The following CA10 variants were observed in gnomAD, a reference collection of about 807,000 sequenced individuals.
The protein encoded by CA10 is carbonic anhydrase 10 (inactive), also known as carbonic anhydrase-related protein 10.
A neutral mutation model predicts 44.2 loss-of-function variants in CA10; 14 were observed. The ratio of observed to expected loss-of-function variants is 0.32; its 90% CI spans 0.21 to 0.50. CA10 has a LOEUF of 0.50. Ranked by LOEUF, CA10 falls within the 20% of genes least tolerant of loss-of-function variation. CA10 has a pLI of 0.99. For missense variants in CA10, 350 were observed against 409.7 expected, an observed-to-expected ratio of 0.85 and a Z score of 1.26; for synonymous variants, 159 against 141.6, an observed-to-expected ratio of 1.12 and a Z score of -0.87.
intron 3 of CA10, among the ~76,000 whole-genome samples, chr17:51,854,286 A>G (rs1978937907): frequency 6.6e-6 from 1 of 152,128 alleles, no homozygotes; most frequent in African/African-American, 2.4e-5. Flanking sequence ...CCTGCTGGAC[A>G]TTGTTAATGT....
intron 2 of CA10, among the ~76,000 whole-genome samples, chr17:52,033,556 A>T (rs1051833371): frequency 3.9e-5 from 6 of 152,218 alleles, no homozygotes; most frequent in African/African-American, 1.4e-4. Flanking sequence ...AATCCATTTA[A>T]TAGGGTACTA....
chr17:51,961,136 C>G (rs571112914), intron 2 of CA10, among the ~76,000 whole-genome samples: 1 of 151,532 alleles, frequency 6.6e-6, no homozygotes, highest in Non-Finnish European at 1.5e-5. Flanking sequence ...CCAGAACCCA[C>G]GATTGCATTA....
chr17:51,916,860 C>T (rs988430244), intron 3 of CA10, among the ~76,000 whole-genome samples: 9 of 152,142 alleles, frequency 5.9e-5, no homozygotes, highest in African/African-American at 1.2e-4. Context: ...CAGGCAGTTC[C>T]GTTGGAATCA....
At chr17:51,839,500 C>CAAAAAAA (rs34200978) in intron 3 of CA10, among the ~76,000 whole-genome samples, 4 of 36,288 alleles carry the variant, frequency 1.1e-4, no homozygotes, top group East Asian at 1.1e-3. Flanking sequence ...GACTCCTTCT[C>CAAAAAAA]AAAAAAAAAA....
At chr17:51,922,810 T>C (rs1982286103) in intron 3 of CA10, among the ~76,000 whole-genome samples, 2 of 152,166 alleles carry the variant, frequency 1.3e-5, no homozygotes, top group Non-Finnish European at 2.9e-5. Context: ...TGACAATGCC[T>C]AGCTTTTTTT....
intron 1 of CA10, among the ~76,000 whole-genome samples, chr17:52,082,994 A>C (rs1449459874): frequency 6.6e-6 from 1 of 152,206 alleles, no homozygotes; most frequent in Non-Finnish European, 1.5e-5. Flanking sequence ...TTCAGATCCC[A>C]AGAGTACAAG....
At chr17:51,885,923 T>C (rs994431139) in intron 3 of CA10, among the ~76,000 whole-genome samples, 1 of 152,244 alleles carries the variant, frequency 6.6e-6, no homozygotes, top group African/African-American at 2.4e-5. Flanking sequence ...ATGTACTACA[T>C]AGTTAGCCAA....
At chr17:51,921,717 T>G (rs1191961626) in intron 3 of CA10, among the ~76,000 whole-genome samples, 1 of 152,168 alleles carries the variant, frequency 6.6e-6, no homozygotes, top group Non-Finnish European at 1.5e-5. Flanking sequence ...TTAGACTGAA[T>G]TCATCTCTTG....
rs572250675 is a variant in CA10 at position 51,780,976 on chromosome 17, G to A, written c.280-33158C>T. Among the ~76,000 whole-genome samples, 32 of 152,272 alleles carry A rather than the reference G, an allele frequency of 2.1e-4. 1 individual carries two copies. In the Middle Eastern group the frequency reaches 0.02, roughly 97 times the overall value. ...CTAATAAAACTATTTACAAAAGGAG[G>A]CAGAGAGCCATATTTGGCCAGTGGG... On this transcript the variant is annotated intron_variant, in intron 3 of 8. Coordinates refer to ENST00000451037, the MANE Select transcript of CA10 (RefSeq NM_020178.5).
chr17:51,987,770 G>A (rs1026579747), intron 2 of CA10, among the ~76,000 whole-genome samples: 2 of 151,874 alleles, frequency 1.3e-5, no homozygotes, highest in African/African-American at 2.4e-5. Context: ...GATTAAGAGA[G>A]GGGTACAGTA....
chr17:51,691,059 A>G (rs187988118), intron 4 of CA10, among the ~76,000 whole-genome samples: 8 of 152,328 alleles, frequency 5.3e-5, no homozygotes, highest in East Asian at 1.9e-4. Flanking sequence ...TATCATTTCA[A>G]TATACTGATT....
At chr17:51,670,312 A>T (rs942226179) in intron 4 of CA10, among the ~76,000 whole-genome samples, 2 of 152,176 alleles carry the variant, frequency 1.3e-5, no homozygotes, top group African/African-American at 2.4e-5. Flanking sequence ...CAACAGGTGT[A>T]CAGGCAGGGA....
intron 3 of CA10, among the ~76,000 whole-genome samples, chr17:51,846,878 G>T (rs1441304266): frequency 6.6e-6 from 1 of 152,220 alleles, no homozygotes; most frequent in African/African-American, 2.4e-5. Flanking sequence ...TGGTTAGGAA[G>T]CCAGTGGCTG....
chr17:51,649,316 G>A (rs564273767), intron 5 of CA10, 62 bp from the exon 6 acceptor site: 13 of 1,180,684 alleles, frequency 1.1e-5, no homozygotes, highest in Middle Eastern at 3.8e-4. Flanking sequence ...ACATCTCCCC[G>A]TGACATTCAC....
At chr17:51,832,564 C>T (rs532658821) in intron 3 of CA10, among the ~76,000 whole-genome samples, 1 of 152,336 alleles carries the variant, frequency 6.6e-6, no homozygotes, top group East Asian at 1.9e-4. Flanking sequence ...TGGGCAGAAT[C>T]ACTCATCCAG....
chr17:52,039,306 A>G (rs188128525), intron 2 of CA10, among the ~76,000 whole-genome samples: 1 of 151,524 alleles, frequency 6.6e-6, no homozygotes, highest in Non-Finnish European at 1.5e-5. Context: ...GACAGGGATT[A>G]AAAAAATACT....
chr17:51,873,620 G>A (rs1451427122), intron 3 of CA10, among the ~76,000 whole-genome samples: 1 of 152,232 alleles, frequency 6.6e-6, no homozygotes, highest in Non-Finnish European at 1.5e-5. Flanking sequence ...AAGCATGGCT[G>A]TGGAGATGTT....
intron 4 of CA10, among the ~76,000 whole-genome samples, chr17:51,724,256 A>C (rs1298403544): frequency 2.0e-5 from 3 of 152,228 alleles, no homozygotes. Flanking sequence ...TTGCCAAAAT[A>C]AGTGACATTC....
chr17:51,805,422 G>A (rs562533554), intron 3 of CA10, among the ~76,000 whole-genome samples: 25 of 152,250 alleles, frequency 1.6e-4, no homozygotes, highest in African/African-American at 5.5e-4. Context: ...TGCTGTGAAG[G>A]CAATAACCAG....
Sources: gnomAD v4.1 joint callset for allele counts (sites outside exome capture counted in the v4.1 genomes callset) on GRCh38, gnomAD v4.1.1 for gene constraint, MANE v1.5 for transcripts, NCBI Gene and HGNC (gene_info 2026-07-23, HGNC 2026-07-21) for gene names.